F7: variants seen among roughly 807,000 people sequenced by gnomAD.
F7 encodes FVII coagulation protein.
F7 carries 38 observed loss-of-function variants against 47.5 expected under a neutral mutation model. The ratio of observed to expected loss-of-function variants is 0.80; its 90% CI spans 0.62 to 1.05. The LOEUF (loss-of-function observed/expected upper bound fraction) is 1.05. Ranked by LOEUF, F7 falls within the 50% of genes least tolerant of loss-of-function variation. The pLI is 0.00. For missense variants in F7, 575 were observed against 605.4 expected (o/e 0.95, Z 0.53); for synonymous variants, 244 against 258.5 (o/e 0.94, Z 0.54).
intron 4 of F7, 100 bp downstream of exon 4, chr13:113,114,060 G>A: frequency 7.8e-7 from 1 of 1,283,244 alleles, no homozygotes; most frequent in Non-Finnish European, 1.1e-6. Context: ...CTGGTGGGGT[G>A]TGTAGGCCGG....
chr13:113,110,961 C>A (rs1052933470), intron 2 of F7, 111 bp downstream of exon 2: 2 of 1,256,680 alleles, frequency 1.6e-6, no homozygotes, highest in Non-Finnish European at 2.1e-6. Flanking sequence ...GGCGAACACG[C>A]AGCGGCGCCC....
At chr13:113,115,939 A>C in intron 5 of F7, 139 bp downstream of exon 5, 1 of 1,303,654 alleles carries the variant, frequency 7.7e-7, no homozygotes, top group Middle Eastern at 1.8e-4. Context: ...GTGAGGTGGG[A>C]TCTGGGCACC....
At position 113,118,478 on chromosome 13, in the gene F7, C is replaced by A; in HGVS notation, c.805C>A (p.Pro269Thr). The A allele has an allele frequency of 6.2e-7, 1 of 1,609,408 alleles. No individual in the cohort carries two copies. Residue 269 changes from proline to threonine, a missense_variant, in exon 8 of 8, where the codon CCC (proline) becomes ACC (threonine). Physicochemically the swap from Pro to Thr is conservative, Grantham distance 38. Transcript: ENST00000346342. ...QSRRVAQVII[P>T]STYVPGTTNH... is the part of the protein sequence containing the mutation. ...CCGGCGGGTGGCGCAGGTCATCATC[C>A]CCAGCACGTACGTCCCGGGCACCAC...
At position 113,120,065 on chromosome 13, in the gene F7, C is replaced by G. The variant is rs141219406; in HGVS notation, c.*1057C>G. The G allele has an allele frequency of 6.6e-6, 1 of 152,200 alleles. No homozygotes were observed. Among genetic ancestry groups the G allele is most frequent in the Non-Finnish European group, 1.5e-5 (1 of 68,042 alleles). 9.4% of individuals were successfully genotyped at this position (152,200 alleles called of 1,614,324 possible). ...GCCCATGATTCATTTTTGGAGCCCC[C>G]GGTGCTCATCCTCTGAGATGCTCTT... On this transcript the variant is annotated 3_prime_UTR_variant, in exon 8 of 8. Transcript: ENST00000346342.
At chr13:113,107,288 AGGAGTGTGGGTGTCCCGGGGGCGT>A (rs2035981759) in intron 1 of F7, among the ~76,000 whole-genome samples, 3 of 55,386 alleles carry the variant, frequency 5.4e-5, no homozygotes, top group African/African-American at 1.7e-4. Context: ...TGGGTGTCCC[AGGAGTGTGGGTGTCCCGGGGGCGT>A]GGGTGTCCCG....
In F7 at chr13:113,120,462, G is replaced by A. The variant is rs1384218575; in HGVS notation, c.*1454G>A. On this transcript the variant is annotated 3_prime_UTR_variant, in exon 8 of 8. Transcript: ENST00000346342. ...CTCCGGCAAGCACGGCTCAGAGAGT[G>A]GACTCGATGCCATCCCTGCAGGGCC... 1.3e-5 allele frequency: 2 copies of A among 153,344 alleles called. No homozygotes were observed. The highest frequency in any genetic ancestry group is 4.8e-5 in the African/African-American group (2 of 41,456). 9.5% of individuals were successfully genotyped at this position (153,344 alleles called of 1,614,324 possible). A position where few individuals can be genotyped will look rare whatever the true frequency, so the allele number is the denominator to read the frequency against.
At chr13:113,106,116 G>A (rs1024691699) in intron 1 of F7, among the ~76,000 whole-genome samples, 3 of 149,980 alleles carry the variant, frequency 2.0e-5, no homozygotes, top group African/African-American at 7.4e-5. Flanking sequence ...AGGCTTTGGC[G>A]GGATTATTTT....
intron 1 of F7, among the ~76,000 whole-genome samples, chr13:113,108,365 T>C (rs1206165789): frequency 9.3e-5 from 4 of 43,166 alleles, no homozygotes; most frequent in Non-Finnish European, 9.1e-5. Context: ...GTCCCGGGAG[T>C]GTGGGTGTCC....
chr13:113,110,393 C>T (rs1045640389), intron 1 of F7: 1 of 362,818 alleles, frequency 2.8e-6, no homozygotes, highest in Admixed American at 5.2e-5. Context: ...CGCAGCCTCA[C>T]GTTTACGCGG....
At chr13:113,116,936 G>A in intron 6 of F7, 61 bp downstream of exon 6, 2 of 1,346,526 alleles carry the variant, frequency 1.5e-6, no homozygotes, top group Non-Finnish European at 2.1e-6. Context: ...TTTTGAATGT[G>A]AACAACAGCT....
In F7 at chr13:113,105,901, T is replaced by C. The variant is rs746210982; in HGVS notation, c.60T>C (p.Ala20=). Reference sequence around the variant, plus strand: ...TGCTTGGGCTTCAGGGCTGCCTGGCTGCAGGTGCGTCCGGGGAGGTTTTCT... The same window carrying C: ...TGCTTGGGCTTCAGGGCTGCCTGGCCGCAGGTGCGTCCGGGGAGGTTTTCT... ...CLLLGLQGCL[A]AVFVTQEEAH... is the part of the protein sequence containing the mutation. The change falls in exon 1 of 8, where the codon GCT becomes GCC. Residue 20 remains alanine, a synonymous_variant. Coordinates refer to ENST00000346342, the MANE Select transcript of F7 (RefSeq NM_019616.4). The C allele has an allele frequency of 6.3e-6, 10 of 1,587,606 alleles. No individual in the cohort carries two copies. The South Asian group carries it at 1.0e-4, about 16-fold the overall frequency.
Position 113,119,386 on chromosome 13 carries a change from C to A in F7, c.*378C>A, listed in dbSNP as rs1167277375. The A allele has an allele frequency of 3.4e-6, 1 of 292,814 alleles. No homozygotes were observed. Among genetic ancestry groups the A allele is most frequent in the East Asian group, 7.8e-5 (1 of 12,816 alleles). 18.1% of individuals were successfully genotyped at this position (292,814 alleles called of 1,614,324 possible). A position where few individuals can be genotyped will look rare whatever the true frequency, so the allele number is the denominator to read the frequency against. On this transcript the variant is annotated 3_prime_UTR_variant, in exon 8 of 8. Coordinates refer to ENST00000346342, the MANE Select transcript of F7 (RefSeq NM_019616.4). ...CTCCCTTCAGCCAAGCCCACCTGCACGTGATCTGCTGGCCTCAGGCTGCTG... is the reference window on the plus strand; with the variant it reads ...CTCCCTTCAGCCAAGCCCACCTGCAAGTGATCTGCTGGCCTCAGGCTGCTG...
intron 5 of F7, 74 bp from the exon 6 acceptor site, chr13:113,116,692 G>A: frequency 1.6e-6 from 2 of 1,233,514 alleles, no homozygotes; most frequent in South Asian, 1.2e-5. Flanking sequence ...GAGGATGGGT[G>A]TTTCTGAATC....
chr13:113,118,270 C>A, intron 7 of F7, 143 bp from the exon 8 acceptor site: 1 of 926,610 alleles, frequency 1.1e-6, no homozygotes, highest in Non-Finnish European at 1.6e-6. Context: ...CTGGCCCCAC[C>A]TTGGGGTTAG....
At chr13:113,115,117 AG>A (rs2142223361) in intron 4 of F7, among the ~76,000 whole-genome samples, 1 of 152,274 alleles carries the variant, frequency 6.6e-6, no homozygotes, top group East Asian at 1.9e-4. Flanking sequence ...GGACTTGCTC[AG>A]GGCCACTCCC....
chr13:113,119,116 G>A lies in F7; in HGVS notation c.*108G>A. ...TAATGGGGTAGAGGAGGGCATGGGAGGGAGGGAGAGGTGGGGAGGGAGACA... is the reference window on the plus strand; with the variant it reads ...TAATGGGGTAGAGGAGGGCATGGGAAGGAGGGAGAGGTGGGGAGGGAGACA... On this transcript the variant is annotated 3_prime_UTR_variant, in exon 8 of 8. Coordinates refer to ENST00000346342, the MANE Select transcript of F7 (RefSeq NM_019616.4). 2 of 922,238 alleles carry A rather than the reference G, an allele frequency of 2.2e-6. No individual in the cohort carries two copies. Among genetic ancestry groups the A allele is most frequent in the Middle Eastern group, 2.9e-4 (1 of 3,436 alleles). The allele number at this position is 922,238 out of a possible 1,614,324, so 57.1% of individuals were successfully genotyped here.
Position 113,113,647 on chromosome 13 carries a change from C to T in F7, c.226-105C>T. 1 of 1,210,078 alleles carries T rather than the reference C, an allele frequency of 8.3e-7. No individual in the cohort carries two copies. The allele number at this position is 1,210,078 out of a possible 1,614,324, so 75.0% of individuals were successfully genotyped here. A position where few individuals can be genotyped will look rare whatever the true frequency, so the allele number is the denominator to read the frequency against. ...GGCTTCCTGAGCCCACCCCGCCAGACCCAGGTCCAAGTCCCCCAACCCCAG... is the reference window on the plus strand; with the variant it reads ...GGCTTCCTGAGCCCACCCCGCCAGATCCAGGTCCAAGTCCCCCAACCCCAG... On this transcript the variant is annotated intron_variant, in intron 2 of 7. Transcript: ENST00000346342. This position sits in a 1 kb window ranked among gnomAD's most constrained non-coding sequence, Gnocchi z 4.1.
chr13:113,113,900 C>G lies in F7; in HGVS notation c.304C>G (p.Gln102Glu). The G allele has an allele frequency of 6.2e-7, 1 of 1,614,172 alleles. No homozygotes were observed. The highest frequency in any genetic ancestry group is 1.1e-5 in the South Asian group (1 of 91,082). ...CCAGAATGGGGGCTCCTGCAAGGAC[C>G]AGCTCCAGTCCTATATCTGCTTCTG... ...PCQNGGSCKD[Q>E]LQSYICFCLP... is the part of the protein sequence containing the mutation. Residue 102 changes from glutamine (Q) to glutamate (E), a missense_variant, in exon 4 of 8, where the codon CAG becomes GAG. By Grantham distance (29) the Gln-to-Glu change is conservative. Transcript: ENST00000346342. This position sits in a 1 kb window ranked among gnomAD's most constrained non-coding sequence, Gnocchi z 4.1.
At chr13:113,111,151 GT>G (rs1180727686) in intron 2 of F7, among the ~76,000 whole-genome samples, 1 of 152,216 alleles carries the variant, frequency 6.6e-6, no homozygotes, top group Non-Finnish European at 1.5e-5. Flanking sequence ...TCCCAAGGGA[GT>G]CCCCCCAGTC....
Sources: allele counts gnomAD v4.1 joint callset (sites outside exome capture counted in the v4.1 genomes callset), GRCh38; gene constraint gnomAD v4.1.1; non-coding constraint Gnocchi (gnomAD v3.1); transcripts MANE v1.5; gene names NCBI Gene and HGNC (gene_info 2026-07-23, HGNC 2026-07-21).